Variants in PELI2 observed in about 807,000 individuals in gnomAD.
PELI2 encodes E3 ubiquitin-protein ligase pellino homolog 2.
PELI2 carries 23 observed loss-of-function variants against 42.3 expected under a neutral mutation model. The observed-to-expected ratio is 0.54, with a 90% CI of 0.39 to 0.77. The LOEUF (loss-of-function observed/expected upper bound fraction) is 0.77. Ranked by LOEUF, PELI2 falls within the 30% of genes least tolerant of loss-of-function variation. PELI2 has a pLI of 0.00. For missense variants in PELI2, 463 were observed against 553.2 expected, an observed-to-expected ratio of 0.84 and a Z score of 1.64; for synonymous variants, 245 against 212.2, an observed-to-expected ratio of 1.15 and a Z score of -1.34.
At chr14:56,224,715 TGGAA>T in intron 2 of PELI2, among the ~76,000 whole-genome samples, 1 of 152,338 alleles carries the variant, frequency 6.6e-6, no homozygotes, top group Admixed American at 6.5e-5. Context: ...TATATATACA[TGGAA>T]GGAAATGTTT....
chr14:56,154,478 G>T (rs1026739120), intron 1 of PELI2, among the ~76,000 whole-genome samples: 1 of 152,162 alleles, frequency 6.6e-6, no homozygotes, highest in African/African-American at 2.4e-5. Context: ...ATAAGTGGCA[G>T]CTCCCCCCAT....
intron 2 of PELI2, among the ~76,000 whole-genome samples, chr14:56,222,905 T>C (rs1364310375): frequency 6.6e-6 from 1 of 152,078 alleles, no homozygotes; most frequent in African/African-American, 2.4e-5. Flanking sequence ...TGGGCGAAGG[T>C]GTTGATGGAG....
chr14:56,122,995 G>C (rs528824992), intron 1 of PELI2, among the ~76,000 whole-genome samples: 1 of 152,090 alleles, frequency 6.6e-6, no homozygotes, highest in African/African-American at 2.4e-5. Context: ...CAAAAAGAGG[G>C]TAAGAACCTC....
intron 2 of PELI2, among the ~76,000 whole-genome samples, chr14:56,279,181 AG>A (rs1889394690): frequency 6.6e-6 from 1 of 152,218 alleles, no homozygotes; most frequent in East Asian, 1.9e-4. Flanking sequence ...ATCATTGGCT[AG>A]GACGGTGTAT....
intron 2 of PELI2, among the ~76,000 whole-genome samples, chr14:56,183,817 A>T (rs1350701148): frequency 6.6e-6 from 1 of 152,176 alleles, no homozygotes; most frequent in African/African-American, 2.4e-5. Flanking sequence ...CTCAAGAAAA[A>T]TGGTTTCAAT....
At chr14:56,170,088 T>G (rs1310903960) in intron 1 of PELI2, among the ~76,000 whole-genome samples, 1 of 152,214 alleles carries the variant, frequency 6.6e-6, no homozygotes, top group African/African-American at 2.4e-5. Context: ...TGTCACGTCC[T>G]GTTCATCTGC....
rs1397092391 is a variant in PELI2, at chr14:56,278,973, C to T, written c.208-703C>T. On this transcript the variant is annotated intron_variant, in intron 2 of 5. Coordinates refer to ENST00000267460, the MANE Select transcript of PELI2 (RefSeq NM_021255.3). ...ATGTGACCACAACTTTTTGTTCAAACATATCACTATGGACAAAATAAGAAT... is the reference window on the plus strand; with the variant it reads ...ATGTGACCACAACTTTTTGTTCAAATATATCACTATGGACAAAATAAGAAT... 4.6e-5 allele frequency among the ~76,000 whole-genome samples: 7 copies of T among 152,046 alleles called. 1 individual carries two copies. The highest frequency in any genetic ancestry group is 3.3e-4 in the Admixed American group (5 of 15,272).
intron 2 of PELI2, among the ~76,000 whole-genome samples, chr14:56,192,045 G>A (rs934238787): frequency 5.3e-5 from 8 of 152,264 alleles, no homozygotes; most frequent in East Asian, 1.9e-4. Flanking sequence ...AGTAGAGACC[G>A]GGTTTCGCCA....
At chr14:56,224,567 A>G (rs1466922792) in intron 2 of PELI2, among the ~76,000 whole-genome samples, 1 of 152,214 alleles carries the variant, frequency 6.6e-6, no homozygotes, top group Non-Finnish European at 1.5e-5. Context: ...GTAAAGTGTT[A>G]TGTATCTTTC....
chr14:56,131,239 A>G (rs1182228567), intron 1 of PELI2, among the ~76,000 whole-genome samples: 1 of 152,238 alleles, frequency 6.6e-6, no homozygotes, highest in Admixed American at 6.5e-5. Flanking sequence ...AGCTTAGACC[A>G]GGTGCCAGCT....
chr14:56,295,377 A>C (rs1889965261), intron 5 of PELI2, among the ~76,000 whole-genome samples: 2 of 151,416 alleles, frequency 1.3e-5, no homozygotes, highest in African/African-American at 4.9e-5. Flanking sequence ...AACTGCGTCC[A>C]TCCTTGTTCA....
At chr14:56,150,589 A>G (rs529784035) in intron 1 of PELI2, among the ~76,000 whole-genome samples, 25 of 152,202 alleles carry the variant, frequency 1.6e-4, no homozygotes, top group African/African-American at 5.3e-4. Flanking sequence ...ATCTGTTTAT[A>G]TATTTTTGAG....
chr14:56,140,366 C>T (rs1218058591), intron 1 of PELI2, among the ~76,000 whole-genome samples: 1 of 152,154 alleles, frequency 6.6e-6, no homozygotes, highest in Non-Finnish European at 1.5e-5. Context: ...TGAATATATT[C>T]TTGTTAGGTG....
rs547744752 is a variant in PELI2 at position 56,299,256 on chromosome 14, T to G, written c.*2090T>G. 1.3e-5 allele frequency: 2 copies of G among 152,344 alleles called. No individual in the cohort carries two copies. Among genetic ancestry groups the G allele is most frequent in the East Asian group, 3.9e-4 (2 of 5,184 alleles). The allele number at this position is 152,344 out of a possible 1,614,324, so 9.4% of individuals were successfully genotyped here. A position where few individuals can be genotyped will look rare whatever the true frequency, so the allele number is the denominator to read the frequency against. The stretch of plus-strand genomic sequence containing the variant: ...GTTAGGTATATCATAATTTTCCATT[T>G]CAAGTCCTGTTTATAAGTCTAGTCA... On this transcript the variant is annotated 3_prime_UTR_variant, in exon 6 of 6. Transcript: ENST00000267460.
chr14:56,168,872 G>T lies in PELI2; in HGVS notation c.78-9463G>T, dbSNP rs115975107. 7.4e-3 allele frequency among the ~76,000 whole-genome samples: 1,127 copies of T among 152,156 alleles called. 19 individuals are homozygous for T. The highest frequency in any genetic ancestry group is 0.026 in the African/African-American group (1,068 of 41,480). On this transcript the variant is annotated intron_variant, in intron 1 of 5. Transcript: ENST00000267460. ...ACTGCTGGTTATTCAGGGTTCAAGGGCTCTTCAGTTAACAGGTGATGAATT... is the reference window on the plus strand; with the variant it reads ...ACTGCTGGTTATTCAGGGTTCAAGGTCTCTTCAGTTAACAGGTGATGAATT...
intron 1 of PELI2, among the ~76,000 whole-genome samples, chr14:56,170,718 A>G (rs1382709764): frequency 6.6e-6 from 1 of 152,226 alleles, no homozygotes; most frequent in Non-Finnish European, 1.5e-5. Flanking sequence ...TATGAACTCT[A>G]AACTATAAAA....
chr14:56,164,714 C>G (rs936255640), intron 1 of PELI2, among the ~76,000 whole-genome samples: 1 of 151,956 alleles, frequency 6.6e-6, no homozygotes, highest in East Asian at 1.9e-4. Flanking sequence ...TTTGATCTTA[C>G]TTGTTATTGG....
chr14:56,228,548 C>T lies in PELI2; in HGVS notation c.207+50084C>T, dbSNP rs369144213. 1.6e-3 allele frequency among the ~76,000 whole-genome samples: 239 copies of T among 152,198 alleles called. 1 individual carries two copies. In the South Asian group the frequency reaches 0.033, roughly 21 times the overall value. ...AGTAACTTTATTATGGGAAAATACA[C>T]GATTATAAACTTAACATTTTTTAAA... On this transcript the variant is annotated intron_variant, in intron 2 of 5. Coordinates refer to ENST00000267460, the MANE Select transcript of PELI2 (RefSeq NM_021255.3).
intron 2 of PELI2, among the ~76,000 whole-genome samples, chr14:56,271,617 G>A (rs1472635622): frequency 1.3e-5 from 2 of 152,184 alleles, no homozygotes; most frequent in East Asian, 3.8e-4. Flanking sequence ...ATCTGCAGGG[G>A]AGCCGATACT....
Sources: allele counts gnomAD v4.1 joint callset (sites outside exome capture counted in the v4.1 genomes callset), GRCh38; gene constraint gnomAD v4.1.1; transcripts MANE v1.5; gene names NCBI Gene and HGNC (gene_info 2026-07-23, HGNC 2026-07-21).